PHTF2: variants seen among roughly 807,000 people sequenced by gnomAD.
PHTF2 encodes putative homeodomain transcription factor 2.
Under a neutral mutation model 101.2 loss-of-function variants are expected in PHTF2, and 60 were observed. That is an observed-to-expected ratio of 0.59 (90% CI 0.48 to 0.73). The LOEUF is 0.73. PHTF2 is among the 30% of genes least tolerant of loss of function. The probability of loss-of-function intolerance (pLI) is 0.00; values close to 1 mark genes in which losing one functional copy is unlikely to be tolerated. For missense variants in PHTF2, 747 were observed against 908.7 expected (o/e 0.82, Z 2.29); for synonymous variants, 311 against 307.3 (o/e 1.01, Z -0.13).
chr7:77,848,134 A>G (rs1025537051), intron 2 of PHTF2, among the ~76,000 whole-genome samples: 1 of 152,172 alleles, frequency 6.6e-6, no homozygotes, highest in Non-Finnish European at 1.5e-5. Flanking sequence ...GTTGGTTCCA[A>G]ATCTTGGTTA....
intron 1 of PHTF2, among the ~76,000 whole-genome samples, chr7:77,824,735 G>A (rs1190148515): frequency 1.3e-5 from 2 of 152,038 alleles, no homozygotes; most frequent in Non-Finnish European, 1.5e-5. Flanking sequence ...GTACTTAAAT[G>A]TTAAAAGAAG....
exon 13 of PHTF2, chr7:77,937,737 C>A: frequency 6.9e-7 from 1 of 1,456,140 alleles, no homozygotes. Context: ...CCATAGTTCC[C>A]ACCCAGGATT....
intron 10 of PHTF2, 40 bp downstream of exon 9, chr7:77,920,505 A>G (rs1439262576): frequency 1.1e-5 from 16 of 1,465,158 alleles, no homozygotes; most frequent in Non-Finnish European, 1.5e-5. Context: ...ATGTGATTTT[A>G]TATTAGCCAA....
chr7:77,927,026 C>T (rs188652159), intron 11 of PHTF2, among the ~76,000 whole-genome samples: 32 of 151,236 alleles, frequency 2.1e-4, no homozygotes, highest in African/African-American at 4.6e-4. Context: ...GGTGTGGTGG[C>T]GGGCTCCTGT....
At chr7:77,869,493 A>G (rs1055549242) in intron 3 of PHTF2, among the ~76,000 whole-genome samples, 5 of 152,176 alleles carry the variant, frequency 3.3e-5, no homozygotes, top group Non-Finnish European at 5.9e-5. Context: ...GAACATAGCA[A>G]TATTTGTCTT....
chr7:77,930,963 A>G (rs1256030485), intron 12 of PHTF2, among the ~76,000 whole-genome samples: 2 of 152,242 alleles, frequency 1.3e-5, no homozygotes. Flanking sequence ...TATAGTATAG[A>G]CATATAAACA....
intron 1 of PHTF2, among the ~76,000 whole-genome samples, chr7:77,831,809 A>G (rs763884341): frequency 2.2e-4 from 34 of 152,320 alleles, no homozygotes; most frequent in Admixed American, 1.1e-3. Context: ...TCCGTAGAGA[A>G]ATGCTGGCTA....
chr7:77,858,583 G>GT (rs536302640), intron 3 of PHTF2, among the ~76,000 whole-genome samples: 7 of 150,876 alleles, frequency 4.6e-5, no homozygotes, highest in East Asian at 1.9e-4. Flanking sequence ...AATTTGAGAG[G>GT]TTTTTTTTGT....
chr7:77,842,399 T>TA (rs1183724426), intron 2 of PHTF2, among the ~76,000 whole-genome samples: 1 of 152,174 alleles, frequency 6.6e-6, no homozygotes, highest in Non-Finnish European at 1.5e-5. Flanking sequence ...AGACGGGGTT[T>TA]TGCCATGTTG....
chr7:77,933,242 A>T (rs901347289), intron 12 of PHTF2, among the ~76,000 whole-genome samples: 3 of 152,184 alleles, frequency 2.0e-5, no homozygotes, highest in Admixed American at 6.5e-5. Context: ...CGTCTCAAAA[A>T]AATAATAATA....
intron 1 of PHTF2, among the ~76,000 whole-genome samples, chr7:77,814,513 ATT>A (rs771740540): frequency 2.6e-4 from 35 of 134,820 alleles, no homozygotes; most frequent in East Asian, 4.2e-4. Flanking sequence ...CTTGGGGGGC[ATT>A]TTTTTTTTTT....
intron 2 of PHTF2, among the ~76,000 whole-genome samples, chr7:77,844,842 G>T (rs1298933255): frequency 6.6e-6 from 1 of 152,166 alleles, no homozygotes; most frequent in Non-Finnish European, 1.5e-5. Context: ...ATTATTCTAT[G>T]CATGGTTTAT....
chr7:77,911,366 A>G (rs1164629429), intron 9 of PHTF2, among the ~76,000 whole-genome samples: 1 of 152,160 alleles, frequency 6.6e-6, no homozygotes, highest in Non-Finnish European at 1.5e-5. Flanking sequence ...ATATAATTAC[A>G]GCAAACATTA....
intron 16 of PHTF2, among the ~76,000 whole-genome samples, chr7:77,943,843 C>T (rs150773971): frequency 0.021 from 3,137 of 151,890 alleles, 90 homozygotes; most frequent in African/African-American, 0.071. Flanking sequence ...CATGGTAAAA[C>T]CTCGTCTCTA....
intron 11 of PHTF2, chr7:77,924,182 A>G: frequency 5.4e-6 from 5 of 926,878 alleles, no homozygotes; most frequent in Non-Finnish European, 6.4e-6. Context: ...ATGGAAACAG[A>G]AGATTTGTAG....
intron 1 of PHTF2, among the ~76,000 whole-genome samples, chr7:77,825,096 G>T (rs1015461736): frequency 1.3e-5 from 2 of 151,912 alleles, no homozygotes; most frequent in Non-Finnish European, 2.9e-5. Context: ...ATGAAGTGGG[G>T]TCACAGATTT....
chr7:77,935,691 T>C (rs1805061962), intron 12 of PHTF2, among the ~76,000 whole-genome samples: 1 of 152,184 alleles, frequency 6.6e-6, no homozygotes, highest in Non-Finnish European at 1.5e-5. Flanking sequence ...TGATTTCCTA[T>C]TTCTGTCTCT....
intron 3 of PHTF2, among the ~76,000 whole-genome samples, chr7:77,877,558 G>C (rs530292019): frequency 1.3e-5 from 2 of 152,160 alleles, no homozygotes; most frequent in Non-Finnish European, 2.9e-5. Context: ...AATCCACTCA[G>C]AACATACTGC....
intron 1 of PHTF2, among the ~76,000 whole-genome samples, chr7:77,802,788 A>G (rs1327638816): frequency 6.6e-6 from 1 of 152,128 alleles, no homozygotes; most frequent in Non-Finnish European, 1.5e-5. Flanking sequence ...ATCTTGGCCT[A>G]CCAAAGTCCT....
Sources: allele counts gnomAD v4.1 joint callset (sites outside exome capture counted in the v4.1 genomes callset), GRCh38; gene constraint gnomAD v4.1.1; transcripts MANE v1.5; gene names NCBI Gene and HGNC (gene_info 2026-07-23, HGNC 2026-07-21).